AEBP2: variants seen among roughly 807,000 people sequenced by gnomAD.
AEBP2 encodes zinc finger protein AEBP2.
In AEBP2, 10 loss-of-function variants were observed where a neutral mutation model predicts 50.8. The ratio of observed to expected loss-of-function variants is 0.20; its 90% CI spans 0.12 to 0.33. The LOEUF (loss-of-function observed/expected upper bound fraction) is 0.33, where lower values mean the gene tolerates loss of function less well. Among genes scored for constraint, AEBP2 ranks in the 10% least tolerant of loss-of-function variants. AEBP2 has a pLI of 1.00. For missense variants in AEBP2, 570 were observed against 688.0 expected, an observed-to-expected ratio of 0.83 and a Z score of 1.92; for synonymous variants, 296 against 261.3, an observed-to-expected ratio of 1.13 and a Z score of -1.28.
At chr12:19,453,288 A>C (rs547121127) in intron 1 of AEBP2, among the ~76,000 whole-genome samples, 1 of 149,384 alleles carries the variant, frequency 6.7e-6, no homozygotes, top group Non-Finnish European at 1.5e-5. Flanking sequence ...TACTTTCTTA[A>C]AAGTTTTTTT....
intron 1 of AEBP2, among the ~76,000 whole-genome samples, chr12:19,422,641 C>T (rs2095746402): frequency 6.6e-6 from 1 of 151,822 alleles, no homozygotes; most frequent in Non-Finnish European, 1.5e-5. Flanking sequence ...GGATTACAGG[C>T]ATGTGCCACC....
At chr12:19,421,134 CAGG>C (rs2095745446) in intron 1 of AEBP2, among the ~76,000 whole-genome samples, 1 of 151,942 alleles carries the variant, frequency 6.6e-6, no homozygotes, top group Admixed American at 6.6e-5. Flanking sequence ...CATCTGAGGT[CAGG>C]AGTTCGAGAC....
intron 1 of AEBP2, among the ~76,000 whole-genome samples, chr12:19,407,157 C>G (rs1279955254): frequency 6.6e-6 from 1 of 152,060 alleles, no homozygotes. Context: ...AAGAATTAGC[C>G]TGGCATGGTG....
intron 2 of AEBP2, among the ~76,000 whole-genome samples, 161 bp downstream of exon 2, chr12:19,462,878 A>G (rs1322349790): frequency 1.3e-5 from 2 of 152,230 alleles, no homozygotes; most frequent in East Asian, 3.8e-4. Flanking sequence ...TATACTTGAT[A>G]GAATCAAATA....
At chr12:19,489,842 G>A (rs1038628867) in intron 3 of AEBP2, among the ~76,000 whole-genome samples, 2 of 150,386 alleles carry the variant, frequency 1.3e-5, no homozygotes, top group South Asian at 2.1e-4. Context: ...TTTAATGTAA[G>A]CACTCTTTAG....
chr12:19,506,706 CAG>C (rs767548521), intron 5 of AEBP2, among the ~76,000 whole-genome samples: 4 of 152,082 alleles, frequency 2.6e-5, no homozygotes, highest in African/African-American at 4.8e-5. Context: ...TGTAGAAAGT[CAG>C]GGGTGAGAGT....
intron 1 of AEBP2, among the ~76,000 whole-genome samples, chr12:19,453,118 G>A (rs1015873160): frequency 5.9e-5 from 9 of 151,780 alleles, no homozygotes; most frequent in African/African-American, 1.7e-4. Context: ...ACGGGTACCC[G>A]CCACCAGCCC....
chr12:19,471,782 C>G (rs1167338330), intron 2 of AEBP2, among the ~76,000 whole-genome samples: 2 of 152,126 alleles, frequency 1.3e-5, no homozygotes, highest in East Asian at 3.9e-4. Context: ...CCCCCTACCT[C>G]GGTCTCCCAA....
chr12:19,506,040 C>G (rs112378376), intron 5 of AEBP2, among the ~76,000 whole-genome samples: 1 of 152,042 alleles, frequency 6.6e-6, no homozygotes, highest in African/African-American at 2.4e-5. Flanking sequence ...ATCCTCCTGG[C>G]TTTGCCTCCC....
At chr12:19,460,301 T>A (rs1022128720) in intron 1 of AEBP2, among the ~76,000 whole-genome samples, 4 of 152,236 alleles carry the variant, frequency 2.6e-5, no homozygotes, top group Admixed American at 2.6e-4. Context: ...ATGTAAATTT[T>A]CTCAGGTGTG....
At position 19,422,774 on chromosome 12, in the gene AEBP2, T is replaced by A. The variant is rs185692454; in HGVS notation, c.-17+18558T>A. ...CTTGTGTGAAAGAGCTGTAAGAACA[T>A]CTGCCCAGGCCGGGCATGGTGGCTC... On this transcript the variant is annotated intron_variant, in intron 1 of 3. Coordinates refer to the AEBP2 transcript ENST00000538425. Among the ~76,000 whole-genome samples the A allele has an allele frequency of 2.1e-3, 316 of 152,208 alleles. 1 individual carries two copies. The highest frequency in any genetic ancestry group is 5.8e-3 in the South Asian group (28 of 4,816).
chr12:19,412,441 C>T (rs991830755), intron 1 of AEBP2, among the ~76,000 whole-genome samples: 4 of 151,652 alleles, frequency 2.6e-5, no homozygotes, highest in East Asian at 1.9e-4. Flanking sequence ...CCACACCTAG[C>T]GAATTTTTTT....
chr12:19,439,476 C>T (rs1043979362), upstream of AEBP2, among the ~76,000 whole-genome samples: 6 of 151,662 alleles, frequency 4.0e-5, no homozygotes, highest in African/African-American at 1.2e-4. Context: ...CTCGTGCCGC[C>T]GCGCAGGCGC....
rs1489014371 is a variant in AEBP2 at position 19,487,840 on chromosome 12, CAA to C, written c.988-5958_988-5957del. ...GTAGCAATTTGAAAATATTTAAAAACAAATATTTCTGATTAGTGAGCTTTGAT... is the reference window on the plus strand; with the variant it reads ...GTAGCAATTTGAAAATATTTAAAAACATATTTCTGATTAGTGAGCTTTGAT... On this transcript the variant is annotated intron_variant, in intron 3 of 7. Transcript: ENST00000266508. Among the ~76,000 whole-genome samples the C allele has an allele frequency of 3.9e-5, 6 of 151,978 alleles. No individual in the cohort carries two copies. In the East Asian group the frequency reaches 5.8e-4, roughly 15 times the overall value.
chr12:19,404,888 T>C (rs1451762948), intron 1 of AEBP2, among the ~76,000 whole-genome samples: 1 of 151,262 alleles, frequency 6.6e-6, no homozygotes, highest in Non-Finnish European at 1.5e-5. Context: ...TTAGTTTCTA[T>C]AGGGAACCAA....
chr12:19,404,578 A>G (rs1417277871), intron 1 of AEBP2, among the ~76,000 whole-genome samples: 2 of 152,168 alleles, frequency 1.3e-5, no homozygotes, highest in Non-Finnish European at 2.9e-5. Flanking sequence ...TCCAAGTGGG[A>G]GAGGCACGCT....
At chr12:19,516,643 C>T (rs1254157580) in intron 7 of AEBP2, among the ~76,000 whole-genome samples, 1 of 152,164 alleles carries the variant, frequency 6.6e-6, no homozygotes, top group African/African-American at 2.4e-5. Flanking sequence ...TGTGATTCCA[C>T]AAGTCTTGTT....
intron 3 of AEBP2, among the ~76,000 whole-genome samples, chr12:19,491,117 G>A (rs1314551475): frequency 6.6e-6 from 1 of 152,212 alleles, no homozygotes; most frequent in African/African-American, 2.4e-5. Context: ...CAGTGGACCA[G>A]GTAGTTCTGT....
intron 2 of AEBP2, among the ~76,000 whole-genome samples, chr12:19,471,668 A>G (rs1484053595): frequency 5.3e-5 from 8 of 151,540 alleles, no homozygotes; most frequent in African/African-American, 1.9e-4. Flanking sequence ...TGGGACTACG[A>G]GTGCATATGC....
Sources: gnomAD v4.1 joint callset for allele counts (sites outside exome capture counted in the v4.1 genomes callset) on GRCh38, gnomAD v4.1.1 for gene constraint, MANE v1.5 for transcripts, NCBI Gene and HGNC (gene_info 2026-07-23, HGNC 2026-07-21) for gene names.